The following CERKL variants were observed in gnomAD, a reference collection of about 807,000 sequenced individuals.
CERKL encodes CERK like autophagy regulator.
A neutral mutation model predicts 63.4 loss-of-function variants in CERKL; 61 were observed. That is an observed-to-expected ratio of 0.96 (90% CI 0.78 to 1.19). The LOEUF (loss-of-function observed/expected upper bound fraction) is 1.19. Among genes scored for constraint, CERKL ranks in the 50% most tolerant of loss-of-function variants. The pLI is 0.00. For missense variants in CERKL, 675 were observed against 655.5 expected (o/e 1.03, Z -0.33); for synonymous variants, 250 against 230.5 (o/e 1.08, Z -0.77).
chr2:181,560,252 C>T (rs1688380838), intron 4 of CERKL, among the ~76,000 whole-genome samples: 1 of 152,122 alleles, frequency 6.6e-6, no homozygotes, highest in Non-Finnish European at 1.5e-5. Context: ...ACCAAAAAGA[C>T]TATGTGGAGT....
At chr2:181,612,753 AT>A (rs1259862659) in intron 1 of CERKL, among the ~76,000 whole-genome samples, 2 of 152,026 alleles carry the variant, frequency 1.3e-5, no homozygotes, top group Admixed American at 1.3e-4. Flanking sequence ...TTACAACTTT[AT>A]TTTTTGCTGT....
At chr2:181,639,164 T>G (rs1687313687) in intron 1 of CERKL, among the ~76,000 whole-genome samples, 1 of 152,188 alleles carries the variant, frequency 6.6e-6, no homozygotes, top group African/African-American at 2.4e-5. Context: ...AGAGTAGTAA[T>G]ATGATTTTTT....
At chr2:181,586,350 C>T (rs1684766341) in intron 2 of CERKL, among the ~76,000 whole-genome samples, 4 of 151,992 alleles carry the variant, frequency 2.6e-5, no homozygotes, top group Admixed American at 2.6e-4. Context: ...CACAAGGCAT[C>T]AGGTAGTCAT....
At position 181,657,082 on chromosome 2, in the gene CERKL, C is replaced by T; in HGVS notation, c.-76G>A. On this transcript the variant is annotated 5_prime_UTR_variant, in exon 1 of 13. Transcript: ENST00000410087. ...GAAGGAGGTGGAGGGCGCGGCAGCC[C>T]CAGCTCTAGCCGCGTCCAGCGCTGC... 7.6e-7 allele frequency: 1 copy of T among 1,317,720 alleles called. No homozygotes were observed. Among genetic ancestry groups the T allele is most frequent in the Non-Finnish European group, 1.1e-6 (1 of 941,102 alleles). The allele number at this position is 1,317,720 out of a possible 1,614,324, so 81.6% of individuals were successfully genotyped here. A position where few individuals can be genotyped will look rare whatever the true frequency, so the allele number is the denominator to read the frequency against.
At position 181,550,958 on chromosome 2, in the gene CERKL, G is replaced by T. The variant is rs906285554; in HGVS notation, c.821-1250C>A. Among the ~76,000 whole-genome samples the T allele has an allele frequency of 1.3e-5, 2 of 151,916 alleles. No homozygotes were observed. Among genetic ancestry groups the T allele is most frequent in the African/African-American group, 4.8e-5 (2 of 41,358 alleles). ...CTGTGACCCTTGTTACTCAAAATAC[G>T]GCCTACTGTCAAACAGGAATGACAA... is the stretch of plus-strand genomic sequence containing the variant. On this transcript the variant is annotated intron_variant, in intron 5 of 12. Transcript: ENST00000410087. The surrounding 1 kb of genome is among the most constrained non-coding windows in gnomAD (Gnocchi z 4.5).
At chr2:181,538,898 A>C (rs993436678) in intron 12 of CERKL, among the ~76,000 whole-genome samples, 194 bp downstream of exon 12, 2 of 152,216 alleles carry the variant, frequency 1.3e-5, no homozygotes, top group African/African-American at 2.4e-5. Flanking sequence ...TTGGGTCTAC[A>C]TAACAGTTGA....
At chr2:181,572,517 T>G (rs1688949303) in intron 3 of CERKL, among the ~76,000 whole-genome samples, 2 of 152,178 alleles carry the variant, frequency 1.3e-5, no homozygotes, top group Non-Finnish European at 2.9e-5. Context: ...AACTTTTAAT[T>G]GTCTCACCCT....
Position 181,584,816 on chromosome 2 carries a change from G to T in CERKL, c.482-10932C>A, listed in dbSNP as rs567421015. Among the ~76,000 whole-genome samples the T allele has an allele frequency of 1.5e-4, 23 of 150,634 alleles. No individual in the cohort carries two copies. The South Asian group carries it at 2.9e-3, about 19-fold the overall frequency. On this transcript the variant is annotated intron_variant, in intron 2 of 12. Transcript: ENST00000410087. ...ATTAAAATCCCCAAATAGCTCCCCG[G>T]TTTTTTTTGTTTTTGTTTTTGTTTT... is the stretch of plus-strand genomic sequence containing the variant.
At chr2:181,568,812 T>A (rs1418861841) in intron 3 of CERKL, among the ~76,000 whole-genome samples, 1 of 151,596 alleles carries the variant, frequency 6.6e-6, no homozygotes, top group Non-Finnish European at 1.5e-5. Context: ...ATTAGGTATA[T>A]CTCCCGATGC....
chr2:181,580,716 CT>C (rs1047684922), intron 2 of CERKL, among the ~76,000 whole-genome samples: 1 of 152,112 alleles, frequency 6.6e-6, no homozygotes, highest in African/African-American at 2.4e-5. Context: ...TCTAGTTTTC[CT>C]TTTTGAACTT....
rs1322585049 is a variant in CERKL, at chr2:181,566,134, C to A, written c.614-13G>T. On this transcript the variant is annotated splice_polypyrimidine_tract_variant and intron_variant, in intron 3 of 12. Transcript: ENST00000410087. ...TCATATTCCATTACTATTAAAAAAACACACACACATACACAAAGTGACAGT... is the reference window on the plus strand; with the variant it reads ...TCATATTCCATTACTATTAAAAAAAAACACACACATACACAAAGTGACAGT... The A allele has an allele frequency of 8.2e-6, 13 of 1,594,786 alleles. No individual in the cohort carries two copies. The highest frequency in any genetic ancestry group is 9.5e-6 in the Non-Finnish European group (11 of 1,163,384).
At chr2:181,549,539 T>C in intron 6 of CERKL, 95 bp downstream of exon 6, 2 of 986,876 alleles carry the variant, frequency 2.0e-6, no homozygotes, top group Non-Finnish European at 3.2e-6. Context: ...ACAAAGAACC[T>C]GCCTTTTCTT....
chr2:181,559,873 C>A (rs1688364514), intron 4 of CERKL, among the ~76,000 whole-genome samples: 1 of 152,132 alleles, frequency 6.6e-6, no homozygotes, highest in South Asian at 2.1e-4. Context: ...CCCACTAGCT[C>A]CACATAGCCT....
chr2:181,642,153 G>A (rs149877667), intron 1 of CERKL, among the ~76,000 whole-genome samples: 16 of 152,140 alleles, frequency 1.1e-4, no homozygotes, highest in East Asian at 3.9e-4. Context: ...TTTTCTTAAC[G>A]TGTAGACTGA....
chr2:181,605,896 C>T (rs985953258), intron 1 of CERKL, among the ~76,000 whole-genome samples: 4 of 151,934 alleles, frequency 2.6e-5, no homozygotes, highest in Non-Finnish European at 5.9e-5. Context: ...TGAGGATGTT[C>T]ATATGCTCAC....
chr2:181,618,478 G>A (rs1027481128), intron 1 of CERKL, among the ~76,000 whole-genome samples: 3 of 151,636 alleles, frequency 2.0e-5, no homozygotes, highest in African/African-American at 7.3e-5. Context: ...GTCCAGTGGC[G>A]CAATCTCGGC....
chr2:181,645,593 G>A (rs1252578706), intron 1 of CERKL, among the ~76,000 whole-genome samples: 2 of 152,180 alleles, frequency 1.3e-5, no homozygotes, highest in East Asian at 3.9e-4. Context: ...GATTAGTGAG[G>A]TAATCAGCCA....
chr2:181,561,806 TTTTTA>T (rs149011731), intron 4 of CERKL, among the ~76,000 whole-genome samples: 30,106 of 151,334 alleles, frequency 0.2, 3,288 homozygotes, highest in South Asian at 0.46. Flanking sequence ...TTTTTATAAT[TTTTTA>T]TTTTATTTTA....
chr2:181,556,296 GGTTT>G (rs1467766013), intron 5 of CERKL, among the ~76,000 whole-genome samples: 3 of 151,810 alleles, frequency 2.0e-5, no homozygotes, highest in Non-Finnish European at 4.4e-5. Context: ...ACAATGTGCA[GGTTT>G]GTTACATATG....
Sources: allele counts gnomAD v4.1 joint callset (sites outside exome capture counted in the v4.1 genomes callset), GRCh38; gene constraint gnomAD v4.1.1; non-coding constraint Gnocchi (gnomAD v3.1); transcripts MANE v1.5; gene names NCBI Gene and HGNC (gene_info 2026-07-23, HGNC 2026-07-21).